RBKS: variants seen among roughly 807,000 people sequenced by gnomAD.
RBKS encodes the protein ribokinase.
Under a neutral mutation model 33.9 loss-of-function variants are expected in RBKS, and 33 were observed. That is an observed-to-expected ratio of 0.97 (90% CI 0.74 to 1.30). The LOEUF is 1.30. RBKS is among the 50% of genes most tolerant of loss of function. RBKS has a pLI of 0.00. For synonymous variants in RBKS, 125 were observed against 143.0 expected (o/e 0.87, Z 0.90); for missense variants, 361 against 392.6 (o/e 0.92, Z 0.68).
chr2:27,812,564 G>A (rs1404858125), intron 7 of RBKS, among the ~76,000 whole-genome samples: 4 of 152,196 alleles, frequency 2.6e-5, no homozygotes, highest in Admixed American at 2.6e-4. Flanking sequence ...GTAGGGACAT[G>A]GATGAAGCTG....
At chr2:27,796,617 C>G (rs1235326018) in intron 7 of RBKS, among the ~76,000 whole-genome samples, 1 of 152,122 alleles carries the variant, frequency 6.6e-6, no homozygotes, top group African/African-American at 2.4e-5. Context: ...GACAGGAAAA[C>G]TGGCCCCATG....
chr2:27,868,885 A>C (rs949169037), intron 1 of RBKS, among the ~76,000 whole-genome samples: 1 of 152,226 alleles, frequency 6.6e-6, no homozygotes, highest in African/African-American at 2.4e-5. Flanking sequence ...TCCAATTGAA[A>C]TAACTAATAC....
chr2:27,864,271 C>A (rs1409277547), intron 1 of RBKS, among the ~76,000 whole-genome samples: 1 of 152,168 alleles, frequency 6.6e-6, no homozygotes, highest in Non-Finnish European at 1.5e-5. Context: ...AATCCTCCCA[C>A]CTTGGCCTCC....
intron 7 of RBKS, among the ~76,000 whole-genome samples, chr2:27,804,407 T>TG (rs1481323127): frequency 5.3e-5 from 8 of 152,200 alleles, no homozygotes; most frequent in Admixed American, 5.2e-4. Context: ...TAGGAACCAC[T>TG]TATCTGCTTT....
intron 7 of RBKS, among the ~76,000 whole-genome samples, chr2:27,786,220 G>A (rs1677398291): frequency 6.6e-6 from 1 of 152,172 alleles, no homozygotes; most frequent in African/African-American, 2.4e-5. Flanking sequence ...TTATGTGCAA[G>A]GTACAGGGAC....
At chr2:27,781,861 AT>A (rs1482825660) in intron 7 of RBKS, 73 bp from the exon 8 acceptor site, 5 of 1,306,136 alleles carry the variant, frequency 3.8e-6, no homozygotes, top group Non-Finnish European at 5.2e-6. Context: ...TTTTAAAGAT[AT>A]TTAAGTAAAC....
chr2:27,783,165 G>T (rs969757961), intron 7 of RBKS, among the ~76,000 whole-genome samples: 1 of 152,114 alleles, frequency 6.6e-6, no homozygotes, highest in African/African-American at 2.4e-5. Flanking sequence ...CCAGGGGGCC[G>T]GGCGTGGTGG....
intron 7 of RBKS, among the ~76,000 whole-genome samples, chr2:27,796,133 A>T (rs1677661811): frequency 1.3e-5 from 2 of 152,210 alleles, no homozygotes; most frequent in South Asian, 4.1e-4. Context: ...CTCATTGTTG[A>T]ATCTATTTAT....
intron 5 of RBKS, among the ~76,000 whole-genome samples, chr2:27,835,437 C>A (rs1377801879): frequency 7.0e-6 from 1 of 143,580 alleles, no homozygotes; most frequent in Non-Finnish European, 1.5e-5. Flanking sequence ...CCCACCCCCC[C>A]TTTTCTGAGA....
At chr2:27,783,916 AAAAG>A (rs1437470964) in intron 7 of RBKS, among the ~76,000 whole-genome samples, 1 of 148,330 alleles carries the variant, frequency 6.7e-6, no homozygotes, top group African/African-American at 2.5e-5. Flanking sequence ...CAGAAAAAAA[AAAAG>A]AAAAAAAAAA....
intron 4 of RBKS, 119 bp from the exon 5 acceptor site, chr2:27,843,350 T>C: frequency 1.4e-6 from 1 of 711,338 alleles, no homozygotes; most frequent in Non-Finnish European, 2.1e-6. Context: ...TTATTAAGTA[T>C]TAATTTTAGC....
At chr2:27,784,195 G>A (rs1221160208) in intron 7 of RBKS, among the ~76,000 whole-genome samples, 1 of 151,118 alleles carries the variant, frequency 6.6e-6, no homozygotes, top group East Asian at 2.0e-4. Flanking sequence ...GTTTTAGCCG[G>A]GATGGTCTCG....
chr2:27,839,811 C>A lies in RBKS; in HGVS notation c.514+3256G>T, dbSNP rs974479443. Among the ~76,000 whole-genome samples, 11 of 152,150 alleles carry A rather than the reference C, an allele frequency of 7.2e-5. No homozygotes were observed. In the South Asian group the frequency reaches 1.9e-3, roughly 26 times the overall value. On this transcript the variant is annotated intron_variant, in intron 5 of 7. Coordinates refer to ENST00000302188, the MANE Select transcript of RBKS (RefSeq NM_022128.3). ...TCAGTGCTCAAGAGATCATTAAGCC[C>A]ACTCTGCTCTGGGATCAGTCCAAAG...
intron 7 of RBKS, chr2:27,782,699 T>G (rs1300437170): frequency 2.4e-6 from 1 of 412,836 alleles, no homozygotes; most frequent in Non-Finnish European, 5.3e-6. Context: ...GCTAAGGTAG[T>G]CTTTGCCAAG....
intron 7 of RBKS, among the ~76,000 whole-genome samples, chr2:27,798,220 G>T (rs1677697423): frequency 6.6e-6 from 1 of 152,104 alleles, no homozygotes. Context: ...AGTTTCAGCT[G>T]CTATGAATAT....
chr2:27,833,532 G>C (rs1003077860), intron 5 of RBKS, among the ~76,000 whole-genome samples: 27 of 152,084 alleles, frequency 1.8e-4, no homozygotes, highest in Non-Finnish European at 7.4e-5. Flanking sequence ...TTCAGAGGGA[G>C]GAAAGTGAAG....
intron 7 of RBKS, among the ~76,000 whole-genome samples, chr2:27,783,368 T>TA (rs1382475104): frequency 1.3e-5 from 2 of 152,170 alleles, no homozygotes; most frequent in East Asian, 3.9e-4. Context: ...GTTTCTTCAT[T>TA]AAAAATGCAC....
chr2:27,819,393 A>G (rs926492140), intron 7 of RBKS, among the ~76,000 whole-genome samples: 1 of 152,164 alleles, frequency 6.6e-6, no homozygotes, highest in Non-Finnish European at 1.5e-5. Flanking sequence ...CCTATCTCCA[A>G]ATACAGTCAC....
chr2:27,792,864 C>T (rs181231408), intron 7 of RBKS, among the ~76,000 whole-genome samples: 4 of 151,322 alleles, frequency 2.6e-5, no homozygotes, highest in Non-Finnish European at 5.9e-5. Flanking sequence ...TCCCAGAGTA[C>T]CTCATTTTGC....
Sources: allele counts gnomAD v4.1 joint callset (sites outside exome capture counted in the v4.1 genomes callset), GRCh38; gene constraint gnomAD v4.1.1; transcripts MANE v1.5; gene names NCBI Gene and HGNC (gene_info 2026-07-23, HGNC 2026-07-21).